Variants in RSPO3 observed in about 807,000 individuals in gnomAD.
The protein encoded by RSPO3 is R-spondin 3.
A neutral mutation model predicts 36.5 loss-of-function variants in RSPO3; 17 were observed. The observed-to-expected ratio is 0.47, with a 90% CI of 0.32 to 0.70. RSPO3 has a LOEUF of 0.70. RSPO3 is among the 30% of genes least tolerant of loss of function. RSPO3 has a pLI of 0.04. For missense variants in RSPO3, 294 were observed against 322.5 expected, an observed-to-expected ratio of 0.91 and a Z score of 0.68; for synonymous variants, 108 against 107.0, an observed-to-expected ratio of 1.01 and a Z score of -0.06.
At chr6:127,182,264 C>T (rs976077448) in intron 4 of RSPO3, among the ~76,000 whole-genome samples, 5 of 151,820 alleles carry the variant, frequency 3.3e-5, no homozygotes, top group East Asian at 1.9e-4. Context: ...CAAACATTTG[C>T]GCTCAAATTT....
At chr6:127,178,274 C>T (rs1011403789) in intron 4 of RSPO3, among the ~76,000 whole-genome samples, 4 of 151,834 alleles carry the variant, frequency 2.6e-5, no homozygotes, top group African/African-American at 9.6e-5. Context: ...ACATAAGCTT[C>T]TTAATTACCA....
At position 127,196,169 on chromosome 6, in the gene RSPO3, C is replaced by T; in HGVS notation, c.*162C>T. 1 of 474,506 alleles carries T rather than the reference C, an allele frequency of 2.1e-6. No homozygotes were observed. The highest frequency in any genetic ancestry group is 3.5e-6 in the Non-Finnish European group (1 of 281,902). 29.4% of individuals were successfully genotyped at this position (474,506 alleles called of 1,614,324 possible). The stretch of plus-strand genomic sequence containing the variant: ...ATATTCTTCATACAAGCATAGTTAA[C>T]AACAAAGAGCCAAAAGATCAAAGAA... On this transcript the variant is annotated 3_prime_UTR_variant, in exon 5 of 5. Coordinates refer to ENST00000356698, the MANE Select transcript of RSPO3 (RefSeq NM_032784.5).
intron 4 of RSPO3, among the ~76,000 whole-genome samples, chr6:127,161,277 GA>G (rs540432567): frequency 1.3e-5 from 2 of 149,714 alleles, no homozygotes; most frequent in Non-Finnish European, 3.0e-5. Flanking sequence ...GATAGATATA[GA>G]AAAAAAAATG....
intron 4 of RSPO3, among the ~76,000 whole-genome samples, chr6:127,170,686 T>C (rs1197567101): frequency 6.6e-6 from 1 of 151,734 alleles, no homozygotes; most frequent in Non-Finnish European, 1.5e-5. Flanking sequence ...TACAATGAGA[T>C]ATTATTGTCT....
chr6:127,142,830 T>G (rs1053738028), intron 1 of RSPO3, among the ~76,000 whole-genome samples: 2 of 152,124 alleles, frequency 1.3e-5, no homozygotes, highest in Non-Finnish European at 2.9e-5. Context: ...GTTTTTGTTT[T>G]TTTTTAGACA....
Position 127,148,723 on chromosome 6 carries a change from A to C in RSPO3, c.173A>C (p.Lys58Thr), listed in dbSNP as rs2114581309. 1 of 1,613,304 alleles carries C rather than the reference A, an allele frequency of 6.2e-7. No individual in the cohort carries two copies. The highest frequency in any genetic ancestry group is 1.1e-5 in the South Asian group (1 of 91,044). ...GATTACAATGGATGTTTGTCATGTA[A>C]GCCCAGACTATTTTTTGCTCTGGAA... ...CSDYNGCLSC[K>T]PRLFFALERI... Residue 58 changes from lysine to threonine, a missense_variant, in exon 2 of 5, where the codon AAG becomes ACG. By Grantham distance (78) the Lys-to-Thr change is moderately conservative. This residue lies in a region of RSPO3 where 43 missense variants were observed against 86.0 expected (regional missense o/e 0.50). Coordinates refer to ENST00000356698, the MANE Select transcript of RSPO3 (RefSeq NM_032784.5).
intron 1 of RSPO3, among the ~76,000 whole-genome samples, chr6:127,142,548 G>A (rs907090412): frequency 1.3e-5 from 2 of 152,020 alleles, no homozygotes; most frequent in African/African-American, 2.4e-5. Flanking sequence ...TCCTAATTTA[G>A]GCAAGAAAAA....
At chr6:127,124,394 T>G (rs1773900769) in intron 1 of RSPO3, among the ~76,000 whole-genome samples, 2 of 152,090 alleles carry the variant, frequency 1.3e-5, no homozygotes, top group Non-Finnish European at 2.9e-5. Flanking sequence ...TTGGTTACCA[T>G]TAGGAAAACA....
At chr6:127,192,581 A>G in intron 4 of RSPO3, 4 of 795,468 alleles carry the variant, frequency 5.0e-6, no homozygotes, top group Non-Finnish European at 6.1e-6. Context: ...GCAAGGGCTC[A>G]GATTGTACTT....
intron 4 of RSPO3, among the ~76,000 whole-genome samples, chr6:127,187,105 C>G (rs1031980764): frequency 6.6e-6 from 1 of 152,056 alleles, no homozygotes; most frequent in Admixed American, 6.6e-5. Flanking sequence ...GGGGCGCCAG[C>G]GGGCATGGTG....
chr6:127,159,488 T>G (rs547542476), intron 4 of RSPO3, among the ~76,000 whole-genome samples: 13 of 151,748 alleles, frequency 8.6e-5, no homozygotes, highest in South Asian at 2.1e-4. Context: ...TAGAAAGAAA[T>G]AAAATGTTTA....
chr6:127,134,502 C>T (rs903630748), intron 1 of RSPO3, among the ~76,000 whole-genome samples: 1 of 152,222 alleles, frequency 6.6e-6, no homozygotes. Flanking sequence ...ACCCCATGAC[C>T]ACCACATAAA....
chr6:127,197,673 T>A lies in RSPO3; in HGVS notation c.*1666T>A. On this transcript the variant is annotated 3_prime_UTR_variant, in exon 5 of 5. Transcript: ENST00000356698. The stretch of plus-strand genomic sequence containing the variant: ...GCTGCTTATCTCTGGACACCCGTTC[T>A]CCACCAGTTGTACAGTTCATGTAAT... 2.1e-6 allele frequency: 2 copies of A among 934,460 alleles called. No homozygotes were observed. Among genetic ancestry groups the A allele is most frequent in the Non-Finnish European group, 1.6e-6 (1 of 645,120 alleles). 57.9% of individuals were successfully genotyped at this position (934,460 alleles called of 1,614,324 possible). A position where few individuals can be genotyped will look rare whatever the true frequency, so the allele number is the denominator to read the frequency against.
chr6:127,157,555 A>T (rs893367761), intron 4 of RSPO3, among the ~76,000 whole-genome samples: 3 of 152,068 alleles, frequency 2.0e-5, no homozygotes, highest in Non-Finnish European at 4.4e-5. Context: ...TTTAGCTTAA[A>T]AGTGTCTTTC....
chr6:127,196,012 T>C lies in RSPO3; in HGVS notation c.*5T>C. The C allele has an allele frequency of 6.3e-7, 1 of 1,596,070 alleles. No homozygotes were observed. The highest frequency in any genetic ancestry group is 2.2e-5 in the East Asian group (1 of 44,598). Reference sequence around the variant, plus strand: ...TCAGTCAGCACTGTACACTAGAGGGTTCCATGAGATTATTGTAGACTCATG... The same window carrying C: ...TCAGTCAGCACTGTACACTAGAGGGCTCCATGAGATTATTGTAGACTCATG... On this transcript the variant is annotated 3_prime_UTR_variant, in exon 5 of 5. Transcript: ENST00000356698.
intron 4 of RSPO3, among the ~76,000 whole-genome samples, chr6:127,186,107 G>C (rs986760779): frequency 6.6e-6 from 1 of 152,100 alleles, no homozygotes. Context: ...TTTTCAAGTA[G>C]CATTCTGCTC....
intron 4 of RSPO3, among the ~76,000 whole-genome samples, chr6:127,167,202 T>C (rs1056592659): frequency 2.0e-5 from 3 of 151,964 alleles, no homozygotes; most frequent in African/African-American, 7.2e-5. Context: ...ACATGTGCCA[T>C]GGTGGTTTGC....
chr6:127,150,415 T>C lies in RSPO3; in HGVS notation c.290-11T>C. ...TAATGCAAGCATATTTCTTTCTTTTTTCTCTTTCAGAATGCAAAGCTGACT... is the reference window on the plus strand; with the variant it reads ...TAATGCAAGCATATTTCTTTCTTTTCTCTCTTTCAGAATGCAAAGCTGACT... On this transcript the variant is annotated splice_polypyrimidine_tract_variant and intron_variant, in intron 2 of 4. Coordinates refer to ENST00000356698, the MANE Select transcript of RSPO3 (RefSeq NM_032784.5). The C allele has an allele frequency of 6.2e-7, 1 of 1,608,038 alleles. No homozygotes were observed. The highest frequency in any genetic ancestry group is 8.5e-7 in the Non-Finnish European group (1 of 1,177,792).
intron 1 of RSPO3, among the ~76,000 whole-genome samples, chr6:127,147,820 G>T (rs547973173): frequency 2.6e-5 from 4 of 152,016 alleles, no homozygotes; most frequent in Non-Finnish European, 5.9e-5. Flanking sequence ...CATTTCACTC[G>T]AGTAAGTAGA....
Sources: gnomAD v4.1 joint callset for allele counts (sites outside exome capture counted in the v4.1 genomes callset) on GRCh38, gnomAD v4.1.1 for gene constraint, gnomAD v4.1.1 regional missense constraint, MANE v1.5 for transcripts, NCBI Gene and HGNC (gene_info 2026-07-23, HGNC 2026-07-21) for gene names.